REXO5: variants seen among roughly 807,000 people sequenced by gnomAD.
The protein encoded by REXO5 is RNA exonuclease 5.
In REXO5, 48 loss-of-function variants were observed where a neutral mutation model predicts 88.5. The observed-to-expected ratio is 0.54, with a 90% CI of 0.43 to 0.69. The LOEUF is 0.69. Ranked by LOEUF, REXO5 falls within the 30% of genes least tolerant of loss-of-function variation. REXO5 has a pLI of 0.00. For synonymous variants in REXO5, 311 were observed against 336.5 expected (o/e 0.92, Z 0.83); for missense variants, 749 against 912.2 (o/e 0.82, Z 2.30).
Position 20,807,155 on chromosome 16 carries a change from A to G in REXO5, c.138+64A>G, listed in dbSNP as rs866800323. The G allele has an allele frequency of 2.0e-5, 30 of 1,533,406 alleles. No homozygotes were observed. In the East Asian group the frequency reaches 2.9e-4, roughly 15 times the overall value. The allele number at this position is 1,533,406 out of a possible 1,614,324, so 95.0% of individuals were successfully genotyped here. A position where few individuals can be genotyped will look rare whatever the true frequency, so the allele number is the denominator to read the frequency against. On this transcript the variant is annotated intron_variant, in intron 2 of 19. Transcript: ENST00000261377. ...TTTGGAGCTCCCGGACCCTCGCCCAACCGCCGTCGGGGGCACTGGATTCGG... is the reference window on the plus strand; with the variant it reads ...TTTGGAGCTCCCGGACCCTCGCCCAGCCGCCGTCGGGGGCACTGGATTCGG...
chr16:20,844,268 T>A (rs192952073), intron 16 of REXO5, among the ~76,000 whole-genome samples: 1 of 152,232 alleles, frequency 6.6e-6, no homozygotes, highest in Admixed American at 6.5e-5. Flanking sequence ...TTGTTACTAC[T>A]TAAGTCCCCT....
chr16:20,837,366 G>T (rs921447522), intron 13 of REXO5, among the ~76,000 whole-genome samples: 6 of 152,052 alleles, frequency 3.9e-5, no homozygotes, highest in African/African-American at 1.4e-4. Context: ...TTAGGTTATA[G>T]TTTCTTTTAT....
chr16:20,829,667 G>A (rs957183197), intron 11 of REXO5, among the ~76,000 whole-genome samples: 7 of 152,170 alleles, frequency 4.6e-5, no homozygotes, highest in African/African-American at 1.7e-4. Context: ...GTTCTAAAAT[G>A]CTGTATATAC....
At chr16:20,807,310 G>A in intron 2 of REXO5, 1 of 578,730 alleles carries the variant, frequency 1.7e-6, no homozygotes, top group South Asian at 2.2e-5. Flanking sequence ...CGAGTGCGGT[G>A]GCTCATGCCT....
At chr16:20,822,132 T>G (rs1023025453) in intron 6 of REXO5, among the ~76,000 whole-genome samples, 1 of 152,244 alleles carries the variant, frequency 6.6e-6, no homozygotes, top group Non-Finnish European at 1.5e-5. Context: ...TGACATTAAA[T>G]AGCATTGAAA....
In REXO5 at chr16:20,846,302, G is replaced by A; in HGVS notation, c.2206G>A (p.Gly736Ser). The change falls in exon 19 of 20, where the codon GGC (glycine) becomes AGC (serine). Residue 736 changes from glycine (G) to serine (S), a missense_variant. Gly to Ser is a moderately conservative substitution (Grantham distance 56, BLOSUM62 0). Coordinates refer to ENST00000261377, the MANE Select transcript of REXO5 (RefSeq NM_030941.3). ...AAAGCTCTACAACAGCTTGTGCCCG[G>A]GCACTCTCTGCCTCATCCTGCTGCC... ...IGKLYNSLCP[G>S]TLCLILLPGT... 6.2e-7 allele frequency: 1 copy of A among 1,614,030 alleles called. No homozygotes were observed. Among genetic ancestry groups the A allele is most frequent in the Non-Finnish European group, 8.5e-7 (1 of 1,179,920 alleles).
chr16:20,813,431 T>C, intron 3 of REXO5, 129 bp downstream of exon 3: 2 of 583,920 alleles, frequency 3.4e-6, no homozygotes, highest in Non-Finnish European at 5.9e-6. Flanking sequence ...ATTTTTTTGC[T>C]ATGCAGCATG....
chr16:20,845,197 G>C lies in REXO5; in HGVS notation c.2080G>C (p.Gly694Arg), dbSNP rs200477604. 9.6e-5 allele frequency: 155 copies of C among 1,613,878 alleles called. No homozygotes were observed. Among genetic ancestry groups the C allele is most frequent in the Non-Finnish European group, 1.2e-4 (144 of 1,179,932 alleles). Residue 694 changes from glycine to arginine, a missense_variant, in exon 18 of 20, where the codon GGG (glycine) becomes CGG (arginine). Transcript: ENST00000261377. ...ACCACCTGAATCAACAAGGCTCCCAGGGCTTCGTGTTGTACCTCCCCCCTT... is the reference window on the plus strand; with the variant it reads ...ACCACCTGAATCAACAAGGCTCCCACGGCTTCGTGTTGTACCTCCCCCCTT... ...GLPPESTRLP[G>R]LRVVPPPFEQ...
At chr16:20,843,858 T>A (rs891170974) in intron 15 of REXO5, 76 bp from the exon 16 acceptor site, 1 of 1,051,582 alleles carries the variant, frequency 9.5e-7, no homozygotes, top group African/African-American at 1.6e-5. Context: ...CACTGTAGTT[T>A]GAATCCTTTC....
At chr16:20,824,359 T>C in intron 6 of REXO5, 80 bp from the exon 7 acceptor site, 2 of 741,784 alleles carry the variant, frequency 2.7e-6, no homozygotes. Flanking sequence ...TCTAGTATTG[T>C]AGTTTTACCT....
At chr16:20,815,340 TTTC>T (rs1369543256) in intron 4 of REXO5, among the ~76,000 whole-genome samples, 4 of 152,308 alleles carry the variant, frequency 2.6e-5, no homozygotes, top group South Asian at 4.1e-4. Flanking sequence ...CAAGCTGAGT[TTTC>T]TACCTCTCTT....
intron 13 of REXO5, among the ~76,000 whole-genome samples, chr16:20,838,395 G>C (rs1447095173): frequency 2.6e-5 from 4 of 152,042 alleles, no homozygotes; most frequent in Non-Finnish European, 5.9e-5. Flanking sequence ...GTGAAACTTG[G>C]GCTATGTTTC....
At chr16:20,831,745 A>T (rs1481455293) in intron 11 of REXO5, among the ~76,000 whole-genome samples, 2 of 151,440 alleles carry the variant, frequency 1.3e-5, no homozygotes, top group Admixed American at 1.3e-4. Flanking sequence ...TTTTTAAAAA[A>T]TTTTCCTGTA....
intron 5 of REXO5, among the ~76,000 whole-genome samples, chr16:20,820,869 C>A (rs1157528298): frequency 6.6e-6 from 1 of 151,436 alleles, no homozygotes; most frequent in Non-Finnish European, 1.5e-5. Flanking sequence ...TAGCCCAGTT[C>A]TTTATATTTT....
chr16:20,846,069 C>T (rs1225355028), intron 18 of REXO5, 152 bp from the exon 19 acceptor site: 4 of 662,702 alleles, frequency 6.0e-6, no homozygotes, highest in Non-Finnish European at 1.1e-5. Flanking sequence ...AGCAGAGAAC[C>T]TGCAGTGTGG....
Position 20,845,248 on chromosome 16 carries a change from G to A in REXO5, c.2124+7G>A. 1 of 1,610,348 alleles carries A rather than the reference G, an allele frequency of 6.2e-7. No homozygotes were observed. Among genetic ancestry groups the A allele is most frequent in the Non-Finnish European group, 8.5e-7 (1 of 1,178,290 alleles). Reference sequence around the variant, plus strand: ...TGAACAGGAGGCCTTGCAGGTGAGTGAGTGAAGGCGTCTTGGAGAAGATGT... The same window carrying A: ...TGAACAGGAGGCCTTGCAGGTGAGTAAGTGAAGGCGTCTTGGAGAAGATGT... On this transcript the variant is annotated splice_region_variant and intron_variant, in intron 18 of 19. Transcript: ENST00000261377.
chr16:20,838,686 T>A (rs146171128), intron 13 of REXO5, among the ~76,000 whole-genome samples: 1 of 152,182 alleles, frequency 6.6e-6, no homozygotes, highest in African/African-American at 2.4e-5. Flanking sequence ...TAACATGCCA[T>A]GGTGATCACA....
Position 20,832,184 on chromosome 16 carries a change from C to A in REXO5, c.1187C>A (p.Ala396Asp). 1 of 1,610,202 alleles carries A rather than the reference C, an allele frequency of 6.2e-7. No individual in the cohort carries two copies. Among genetic ancestry groups the A allele is most frequent in the Non-Finnish European group, 8.5e-7 (1 of 1,178,026 alleles). ...KIAELNLEALANHQEIQAAGQ... is the reference protein window; with the variant it reads ...KIAELNLEALDNHQEIQAAGQ... ...GCAGAACTAAATCTAGAAGCACTAGCTAATCACCAAGAAATACAAGCAGCA... is the reference window on the plus strand; with the variant it reads ...GCAGAACTAAATCTAGAAGCACTAGATAATCACCAAGAAATACAAGCAGCA... The change falls in exon 12 of 20, where the codon GCT (alanine) becomes GAT (aspartate). Residue 396 changes from alanine to aspartate, a missense_variant. Coordinates refer to ENST00000261377, the MANE Select transcript of REXO5 (RefSeq NM_030941.3).
Position 20,827,422 on chromosome 16 carries a change from A to G in REXO5, c.1030A>G (p.Lys344Glu). ...VREQGRRFKLKFLAKVILGKD... is the reference protein window; with the variant it reads ...VREQGRRFKLEFLAKVILGKD... ...AGAGCAGGGCAGAAGATTTAAGCTC[A>G]AGTTCTTAGCCAAAGTTATTTTGGG... is the stretch of plus-strand genomic sequence containing the variant. Residue 344 changes from lysine to glutamate, a missense_variant, in exon 10 of 20, where the codon AAG becomes GAG. Coordinates refer to ENST00000261377, the MANE Select transcript of REXO5 (RefSeq NM_030941.3). 2 of 1,613,154 alleles carry G rather than the reference A, an allele frequency of 1.2e-6. No individual in the cohort carries two copies. Among genetic ancestry groups the G allele is most frequent in the Non-Finnish European group, 1.7e-6 (2 of 1,179,522 alleles).
Sources: gnomAD v4.1 joint callset for allele counts (sites outside exome capture counted in the v4.1 genomes callset) on GRCh38, gnomAD v4.1.1 for gene constraint, MANE v1.5 for transcripts, NCBI Gene and HGNC (gene_info 2026-07-23, HGNC 2026-07-21) for gene names.